Variants in ZNF469 observed in about 807,000 individuals in gnomAD.
ZNF469 encodes the protein zinc finger protein 469.
A neutral mutation model predicts 1.0 loss-of-function variants in ZNF469; 1 was observed. The observed-to-expected ratio is 1.00, with a 90% confidence interval of 0.35 to 4.73. The LOEUF is 4.73. Ranked by LOEUF, ZNF469 falls within the 30% of genes most tolerant of loss-of-function variation. The pLI, the probability that ZNF469 is intolerant of heterozygous loss-of-function variation, is 0.16. For synonymous variants in ZNF469, 2,703 were observed against 2,363.4 expected (o/e 1.14, Z -4.17); for missense variants, 6,100 against 5,356.3 (o/e 1.14, Z -4.33).
At position 88,437,874 on chromosome 16, in the gene ZNF469, C is replaced by G; in HGVS notation, c.10404C>G (p.Gly3468=). 6.5e-7 allele frequency: 1 copy of G among 1,539,406 alleles called. No individual in the cohort carries two copies. The highest frequency in any genetic ancestry group is 8.8e-7 in the Non-Finnish European group (1 of 1,139,392). Residue 3468 remains glycine, a synonymous_variant, in exon 3 of 3, where the codon GGC becomes GGG. Coordinates refer to ENST00000565624, the MANE Select transcript of ZNF469 (RefSeq NM_001367624.2). The part of the protein sequence containing the change: ...APGQKARALE[G]TLPSKRRRVA... ...GACAGAAGGCCCGGGCCCTCGAGGG[C>G]ACACTGCCCAGCAAACGGCGCAGGG...
At position 88,438,732 on chromosome 16, in the gene ZNF469, C is replaced by T. The variant is rs769834740; in HGVS notation, c.11262C>T (p.Ser3754=). 1.7e-4 allele frequency: 265 copies of T among 1,549,994 alleles called. 3 individuals are homozygous for T. The East Asian group carries it at 6.0e-3, about 35-fold the overall frequency. The change falls in exon 3 of 3, where the codon AGC becomes AGT. Residue 3754 remains serine (S), a synonymous_variant. Transcript: ENST00000565624. ...GTGGCAGCCAGCCCCAGCCAGCCAG[C>T]GGGCAGCTCCAGAGCGAGACAGCCA... is the stretch of plus-strand genomic sequence containing the variant. ...TGGGSQPQPA[S]GQLQSETATT... is the part of the protein sequence containing the mutation.
chr16:88,163,462 GGATA>G, the ZNF469 span, among the ~76,000 whole-genome samples: 1,586 of 151,742 alleles, frequency 0.01, 27 homozygotes, highest in African/African-American at 0.035. Flanking sequence ...ATGGATGGAT[GGATA>G]GATAGAAGGA....
At chr16:88,140,165 C>G in the ZNF469 span, among the ~76,000 whole-genome samples, 1 of 152,006 alleles carries the variant, frequency 6.6e-6, no homozygotes, top group African/African-American at 2.4e-5. Context: ...ATGGATTTGG[C>G]ATTGAAGTGG....
At position 88,436,893 on chromosome 16, in the gene ZNF469, G is replaced by C. The variant is rs1013704911; in HGVS notation, c.9423G>C (p.Pro3141=). The change falls in exon 3 of 3, where the codon CCG becomes CCC. Residue 3141 remains proline (P), a synonymous_variant. Coordinates refer to ENST00000565624, the MANE Select transcript of ZNF469 (RefSeq NM_001367624.2). ...DLHKLAHTPA[P]PPTCYMCVER... is the part of the protein sequence containing the mutation. ...ACAAGCTGGCCCACACGCCCGCGCC[G>C]CCGCCCACCTGCTACATGTGCGTGG... 1 of 1,503,146 alleles carries C rather than the reference G, an allele frequency of 6.7e-7. No homozygotes were observed. 93.1% of individuals were successfully genotyped at this position (1,503,146 alleles called of 1,614,324 possible). A position where few individuals can be genotyped will look rare whatever the true frequency, so the allele number is the denominator to read the frequency against.
chr16:88,437,025 C>A lies in ZNF469; in HGVS notation c.9555C>A (p.Ala3185=), dbSNP rs273585636. ...GCGGCATGTGCCTGAAGGAGGTGGC[C>A]GACGTCTGGATGTACAACGAGCACC... The part of the protein sequence containing the change: ...WACGMCLKEV[A]DVWMYNEHLR... The change falls in exon 3 of 3, where the codon GCC becomes GCA. Residue 3185 remains alanine (A), a synonymous_variant. Coordinates refer to ENST00000565624, the MANE Select transcript of ZNF469 (RefSeq NM_001367624.2). 1.3e-6 allele frequency: 2 copies of A among 1,528,680 alleles called. No homozygotes were observed. The highest frequency in any genetic ancestry group is 4.0e-5 in the Admixed American group (2 of 50,232). The allele number at this position is 1,528,680 out of a possible 1,614,324, so 94.7% of individuals were successfully genotyped here.
the ZNF469 span, among the ~76,000 whole-genome samples, chr16:88,199,971 G>A: frequency 6.6e-6 from 1 of 152,184 alleles, no homozygotes; most frequent in Non-Finnish European, 1.5e-5. Context: ...CGCAGCAAGG[G>A]CCCTTCATGC....
the ZNF469 span, among the ~76,000 whole-genome samples, chr16:88,251,141 G>C: frequency 2.1e-4 from 32 of 152,176 alleles, no homozygotes; most frequent in Non-Finnish European, 4.1e-4. Context: ...GCCTCCCAAA[G>C]TGCTGGGATT....
At chr16:88,116,794 G>A in the ZNF469 span, among the ~76,000 whole-genome samples, 3 of 152,202 alleles carry the variant, frequency 2.0e-5, no homozygotes, top group African/African-American at 7.2e-5. Context: ...GAACAGGTTG[G>A]TGGTTTGCCA....
chr16:88,237,231 G>A, the ZNF469 span, among the ~76,000 whole-genome samples: 1 of 2,494 alleles, frequency 4.0e-4, no homozygotes, highest in Non-Finnish European at 4.1e-3. Flanking sequence ...CCTGCCCTCT[G>A]TGCTCCTGCC....
the ZNF469 span, among the ~76,000 whole-genome samples, chr16:88,131,026 CG>C: frequency 6.6e-6 from 1 of 152,226 alleles, no homozygotes; most frequent in Non-Finnish European, 1.5e-5. Flanking sequence ...CTCGGTTCCA[CG>C]GCGGGCAGCG....
chr16:88,341,355 T>G, the ZNF469 span, among the ~76,000 whole-genome samples: 3 of 152,134 alleles, frequency 2.0e-5, no homozygotes, highest in Non-Finnish European at 2.9e-5. Context: ...GTTTGGAATC[T>G]TGCTCCTGGT....
At chr16:88,404,017 G>A (rs891258325) in intron 1 of ZNF469, among the ~76,000 whole-genome samples, 24 of 152,246 alleles carry the variant, frequency 1.6e-4, no homozygotes, top group African/African-American at 5.8e-4. Context: ...CAGCCTCTGT[G>A]CCGCCAGGGG....
the ZNF469 span, among the ~76,000 whole-genome samples, chr16:88,316,225 G>A: frequency 6.6e-6 from 1 of 152,244 alleles, no homozygotes; most frequent in East Asian, 1.9e-4. Flanking sequence ...AACCCGCAGG[G>A]CTGGGTCCAG....
chr16:88,394,811 C>T (rs1904608583), intron 1 of ZNF469, among the ~76,000 whole-genome samples: 1 of 152,220 alleles, frequency 6.6e-6, no homozygotes, highest in Admixed American at 6.5e-5. Context: ...CACGTCGGAG[C>T]CCTGTCACCA....
At chr16:88,266,617 C>T in the ZNF469 span, among the ~76,000 whole-genome samples, 2 of 152,202 alleles carry the variant, frequency 1.3e-5, no homozygotes, top group Non-Finnish European at 2.9e-5. Context: ...GGTGGTTTTA[C>T]AAGAAAGGAG....
the ZNF469 span, among the ~76,000 whole-genome samples, chr16:88,247,308 A>AATG: frequency 2.0e-5 from 3 of 151,674 alleles, no homozygotes; most frequent in African/African-American, 7.3e-5. Context: ...TGAGTGAGTG[A>AATG]GTGAATGAGT....
chr16:88,139,008 A>G, the ZNF469 span, among the ~76,000 whole-genome samples: 1 of 152,246 alleles, frequency 6.6e-6, no homozygotes, highest in Non-Finnish European at 1.5e-5. Context: ...CAATGTAAAC[A>G]CACAGACATT....
Position 88,430,324 on chromosome 16 carries a change from A to C in ZNF469, c.2854A>C (p.Lys952Gln). 6.6e-7 allele frequency: 1 copy of C among 1,515,368 alleles called. No individual in the cohort carries two copies. Among genetic ancestry groups the C allele is most frequent in the Non-Finnish European group, 8.8e-7 (1 of 1,135,528 alleles). 93.9% of individuals were successfully genotyped at this position (1,515,368 alleles called of 1,614,324 possible). A position where few individuals can be genotyped will look rare whatever the true frequency, so the allele number is the denominator to read the frequency against. Residue 952 changes from lysine (K) to glutamine (Q), a missense_variant, in exon 3 of 3, where the codon AAG (lysine) becomes CAG (glutamine). Transcript: ENST00000565624. The part of the protein sequence containing the change: ...GRQQRRGKQL[K>Q]LFRKDLDSGG... ...GCAGCAGAGGAGGGGGAAGCAGTTGAAGCTGTTCCGGAAGGATCTGGACTC... is the reference window on the plus strand; with the variant it reads ...GCAGCAGAGGAGGGGGAAGCAGTTGCAGCTGTTCCGGAAGGATCTGGACTC...
the ZNF469 span, among the ~76,000 whole-genome samples, chr16:88,244,019 T>C: frequency 1.9e-3 from 262 of 136,828 alleles, 3 homozygotes; most frequent in African/African-American, 6.7e-3. Flanking sequence ...TACGTATGGG[T>C]GAGTGCACGG....
Sources: gnomAD v4.1 joint callset for allele counts (sites outside exome capture counted in the v4.1 genomes callset) on GRCh38, gnomAD v4.1.1 for gene constraint, MANE v1.5 for transcripts, NCBI Gene and HGNC (gene_info 2026-07-23, HGNC 2026-07-21) for gene names.